The following SGCZ variants were observed in gnomAD, a reference collection of about 807,000 sequenced individuals.
SGCZ encodes zeta-sarcoglycan.
A neutral mutation model predicts 41.3 loss-of-function variants in SGCZ; 40 were observed. That is an observed-to-expected ratio of 0.97 (90% confidence interval 0.75 to 1.26). SGCZ has a LOEUF of 1.26. SGCZ is among the 50% of genes most tolerant of loss of function. The pLI, the probability that SGCZ is intolerant of heterozygous loss-of-function variation, is 0.00. For synonymous variants in SGCZ, 206 were observed against 137.5 expected, an observed-to-expected ratio of 1.50 and a Z score of -3.49; for missense variants, 552 against 369.8, an observed-to-expected ratio of 1.49 and a Z score of -4.04.
intron 1 of SGCZ, among the ~76,000 whole-genome samples, chr8:15,191,666 A>T (rs1800544494): frequency 6.6e-6 from 1 of 152,074 alleles, no homozygotes; most frequent in Admixed American, 6.6e-5. Flanking sequence ...AAAAATAACT[A>T]ACATTTAGGA....
chr8:14,621,229 T>A (rs182004165), intron 1 of SGCZ, among the ~76,000 whole-genome samples: 2 of 137,764 alleles, frequency 1.5e-5, no homozygotes, highest in East Asian at 2.2e-4. Flanking sequence ...TAGGTGGGAA[T>A]TGAACAATGA....
intron 1 of SGCZ, among the ~76,000 whole-genome samples, chr8:15,165,042 A>T (rs1799620379): frequency 6.6e-6 from 1 of 152,164 alleles, no homozygotes; most frequent in South Asian, 2.1e-4. Context: ...CTGTAATCCC[A>T]GCACTTTGGG....
intron 1 of SGCZ, among the ~76,000 whole-genome samples, chr8:15,111,659 T>G (rs1459370060): frequency 6.6e-6 from 1 of 152,116 alleles, no homozygotes; most frequent in African/African-American, 2.4e-5. Flanking sequence ...CGCAGCACTT[T>G]GGGAGGCCGA....
At position 14,519,423 on chromosome 8, in the gene SGCZ, A is replaced by G. The variant is rs141426945; in HGVS notation, c.234+35309T>C. On this transcript the variant is annotated intron_variant, in intron 2 of 7. Transcript: ENST00000382080. ...AAAAAATGAAAAATGTATTACTGAC[A>G]TATTTCTAATTAACTCTCTACTTTT... is the stretch of plus-strand genomic sequence containing the variant. Among the ~76,000 whole-genome samples, 866 of 152,274 alleles carry G rather than the reference A, an allele frequency of 5.7e-3. 8 individuals are homozygous for G. Among genetic ancestry groups the G allele is most frequent in the African/African-American group, 0.019 (782 of 41,572 alleles).
intron 1 of SGCZ, among the ~76,000 whole-genome samples, chr8:14,936,659 A>G (rs1800094396): frequency 6.6e-6 from 1 of 151,908 alleles, no homozygotes; most frequent in South Asian, 2.1e-4. Context: ...TCATAAGGAT[A>G]AAAATAGACC....
chr8:14,775,973 A>G (rs1219156214), intron 1 of SGCZ, among the ~76,000 whole-genome samples: 1 of 152,196 alleles, frequency 6.6e-6, no homozygotes, highest in Non-Finnish European at 1.5e-5. Context: ...TTTCCAAGGT[A>G]AATAAGCCCA....
chr8:14,126,107 A>C (rs369223426), intron 5 of SGCZ, among the ~76,000 whole-genome samples: 2 of 152,352 alleles, frequency 1.3e-5, no homozygotes, highest in East Asian at 3.9e-4. Flanking sequence ...AGCAATTAGA[A>C]CAAAAGCTAA....
At chr8:14,484,489 T>C (rs7833207) in intron 2 of SGCZ, among the ~76,000 whole-genome samples, 137,535 of 151,934 alleles carry the variant, frequency 0.91, 63,615 homozygotes, top group East Asian at 1. Context: ...TTTTAAAACA[T>C]TTCATTGCTA....
At chr8:14,848,376 C>G (rs760638964) in intron 1 of SGCZ, among the ~76,000 whole-genome samples, 2 of 152,120 alleles carry the variant, frequency 1.3e-5, no homozygotes, top group African/African-American at 4.8e-5. Context: ...TATTTAAATG[C>G]AGAGGGCCTA....
chr8:14,163,188 T>C (rs1451682956), intron 5 of SGCZ, among the ~76,000 whole-genome samples: 1 of 152,168 alleles, frequency 6.6e-6, no homozygotes, highest in Non-Finnish European at 1.5e-5. Flanking sequence ...ACTTTTAAGT[T>C]CAGGAGTACA....
chr8:14,624,666 G>A (rs1160029301), intron 1 of SGCZ, among the ~76,000 whole-genome samples: 2 of 146,870 alleles, frequency 1.4e-5, no homozygotes, highest in African/African-American at 5.0e-5. Context: ...CGCCTCCCGG[G>A]GTCAAGTAAT....
At chr8:14,828,164 C>T (rs1253573083) in intron 1 of SGCZ, among the ~76,000 whole-genome samples, 2 of 151,980 alleles carry the variant, frequency 1.3e-5, no homozygotes, top group African/African-American at 4.8e-5. Flanking sequence ...GGTGAAAGCA[C>T]GGAATCTTTA....
intron 2 of SGCZ, among the ~76,000 whole-genome samples, chr8:14,475,572 G>C (rs1395864631): frequency 1.3e-5 from 2 of 152,038 alleles, no homozygotes; most frequent in African/African-American, 2.4e-5. Flanking sequence ...ATTTCAGCTT[G>C]TTTTATGTCT....
intron 2 of SGCZ, among the ~76,000 whole-genome samples, chr8:14,523,268 A>T (rs1309608229): frequency 2.6e-5 from 4 of 151,802 alleles, no homozygotes; most frequent in African/African-American, 9.7e-5. Flanking sequence ...GTTCATTCTT[A>T]CTCTTGATAT....
chr8:14,607,599 A>G (rs1805792738), intron 1 of SGCZ, among the ~76,000 whole-genome samples: 1 of 152,198 alleles, frequency 6.6e-6, no homozygotes, highest in Non-Finnish European at 1.5e-5. Flanking sequence ...ATTGACAACA[A>G]TTTCAATTAA....
At chr8:14,626,677 T>C (rs190078627) in intron 1 of SGCZ, among the ~76,000 whole-genome samples, 8 of 152,178 alleles carry the variant, frequency 5.3e-5, no homozygotes, top group African/African-American at 7.2e-5. Context: ...CATGAAAAGA[T>C]TGGAGCTTAT....
intron 1 of SGCZ, among the ~76,000 whole-genome samples, chr8:14,628,114 GC>G (rs1213355096): frequency 2.0e-5 from 3 of 151,970 alleles, no homozygotes; most frequent in African/African-American, 7.2e-5. Flanking sequence ...AATTAAGATT[GC>G]AGGTTTAATG....
At chr8:15,214,123 G>GA (rs932049131) in intron 1 of SGCZ, among the ~76,000 whole-genome samples, 23 of 151,192 alleles carry the variant, frequency 1.5e-4, no homozygotes, top group South Asian at 2.1e-4. Context: ...TCAGCCATGT[G>GA]AAAAAAAACA....
intron 7 of SGCZ, among the ~76,000 whole-genome samples, chr8:14,100,591 T>G: frequency 7.2e-6 from 1 of 137,964 alleles, no homozygotes; most frequent in East Asian, 2.0e-4. Context: ...AATAATATAT[T>G]ATATTTTATT....
Sources: allele counts gnomAD v4.1 joint callset (sites outside exome capture counted in the v4.1 genomes callset), GRCh38; gene constraint gnomAD v4.1.1; transcripts MANE v1.5; gene names NCBI Gene and HGNC (gene_info 2026-07-23, HGNC 2026-07-21).